The following DNAH7 variants were observed in gnomAD, a reference collection of about 807,000 sequenced individuals.
DNAH7 encodes the protein axonemal beta dynein heavy chain 7.
DNAH7 carries 397 observed loss-of-function variants against 444.6 expected under a neutral mutation model. That is an observed-to-expected ratio of 0.89 (90% confidence interval 0.82 to 0.97). The LOEUF is 0.97. DNAH7 is among the 50% of genes least tolerant of loss of function. DNAH7 has a pLI of 0.00. For synonymous variants in DNAH7, 1,636 were observed against 1,624.4 expected (o/e 1.01, Z -0.17); for missense variants, 4,902 against 4,800.8 (o/e 1.02, Z -0.62).
chr2:196,016,229 G>A (rs1695011112), intron 9 of DNAH7, among the ~76,000 whole-genome samples: 1 of 152,042 alleles, frequency 6.6e-6, no homozygotes, highest in African/African-American at 2.4e-5. Flanking sequence ...TGTTCTGAAA[G>A]TGGATATAAA....
At chr2:196,018,967 A>C (rs1519607) in intron 9 of DNAH7, among the ~76,000 whole-genome samples, 75,937 of 151,922 alleles carry the variant, frequency 0.5, 22,054 homozygotes, top group Non-Finnish European at 0.64. Context: ...TCAAAAAATT[A>C]AAAAATTTAA....
intron 15 of DNAH7, among the ~76,000 whole-genome samples, chr2:195,972,992 T>C (rs1198732007): frequency 2.0e-5 from 3 of 152,092 alleles, no homozygotes; most frequent in Admixed American, 1.3e-4. Context: ...ATCATAAGGA[T>C]GTGAAGTAGT....
At chr2:195,990,253 TGGTGAGAGACA>T (rs2125644612) in intron 12 of DNAH7, among the ~76,000 whole-genome samples, 1 of 152,158 alleles carries the variant, frequency 6.6e-6, no homozygotes, top group African/African-American at 2.4e-5. Context: ...GATTTTTATA[TGGTGAGAGACA>T]GGGGTCTAGT....
chr2:196,044,787 G>A (rs1696996368), intron 5 of DNAH7, among the ~76,000 whole-genome samples: 1 of 152,020 alleles, frequency 6.6e-6, no homozygotes, highest in African/African-American at 2.4e-5. Context: ...AGAACTACTG[G>A]TCAGACACAG....
intron 57 of DNAH7, among the ~76,000 whole-genome samples, chr2:195,790,618 T>C: frequency 6.6e-6 from 1 of 152,170 alleles, no homozygotes; most frequent in East Asian, 1.9e-4. Context: ...TAAATGGTAC[T>C]GGGATAGCTG....
At chr2:195,933,226 G>A (rs1043615583) in intron 21 of DNAH7, among the ~76,000 whole-genome samples, 1 of 152,116 alleles carries the variant, frequency 6.6e-6, no homozygotes, top group African/African-American at 2.4e-5. Context: ...AGTTAGAATG[G>A]CGATCATTAA....
chr2:196,024,730 A>T (rs1226577590), intron 7 of DNAH7, among the ~76,000 whole-genome samples: 1 of 152,126 alleles, frequency 6.6e-6, no homozygotes, highest in African/African-American at 2.4e-5. Context: ...TCTTAACACA[A>T]TGTGTCCCTC....
intron 61 of DNAH7, among the ~76,000 whole-genome samples, chr2:195,761,758 G>A (rs1010013647): frequency 7.9e-5 from 12 of 152,062 alleles, no homozygotes; most frequent in African/African-American, 2.4e-4. Context: ...ATATAAAGGA[G>A]AAATAAAGAG....
chr2:195,943,343 A>G (rs1689592580), intron 19 of DNAH7, among the ~76,000 whole-genome samples: 1 of 152,164 alleles, frequency 6.6e-6, no homozygotes, highest in African/African-American at 2.4e-5. Context: ...ATGTCAGTCA[A>G]CTGTCTTATT....
At chr2:195,944,905 A>C (rs1189318327) in intron 19 of DNAH7, among the ~76,000 whole-genome samples, 2 of 151,996 alleles carry the variant, frequency 1.3e-5, no homozygotes, top group African/African-American at 2.4e-5. Context: ...TCAAATTCTT[A>C]TCATATTGAC....
intron 1 of DNAH7, chr2:196,068,455 G>C: frequency 1.8e-6 from 1 of 561,846 alleles, no homozygotes; most frequent in Non-Finnish European, 3.1e-6. Flanking sequence ...CCCCCTGCTG[G>C]CGCGCCGCTA....
chr2:195,827,384 C>G (rs956960944), intron 48 of DNAH7, among the ~76,000 whole-genome samples: 12 of 151,998 alleles, frequency 7.9e-5, no homozygotes, highest in African/African-American at 2.9e-4. Context: ...CTCAGGCCAT[C>G]TTCCCACCTC....
intron 19 of DNAH7, among the ~76,000 whole-genome samples, chr2:195,948,299 T>G (rs1017734540): frequency 1.3e-4 from 20 of 152,182 alleles, no homozygotes; most frequent in Admixed American, 7.9e-4. Flanking sequence ...AGTTTAATTA[T>G]ATCCCATTTG....
At chr2:195,783,284 T>TA (rs1695475267) in intron 58 of DNAH7, among the ~76,000 whole-genome samples, 1 of 152,362 alleles carries the variant, frequency 6.6e-6, no homozygotes, top group South Asian at 2.1e-4. Context: ...GTTATCATGA[T>TA]AGTCTCCTGT....
At chr2:195,860,624 A>G (rs1699964388) in intron 42 of DNAH7, among the ~76,000 whole-genome samples, 2 of 152,162 alleles carry the variant, frequency 1.3e-5, no homozygotes, top group Non-Finnish European at 2.9e-5. Flanking sequence ...ATATCCAGGT[A>G]GCATGCTGCC....
chr2:195,787,093 C>CA lies in DNAH7; in HGVS notation c.10794_10795insT (p.Gly3599TrpfsTer7). The CA allele has an allele frequency of 6.2e-7, 1 of 1,612,554 alleles. No homozygotes were observed. The highest frequency in any genetic ancestry group is 8.5e-7 in the Non-Finnish European group (1 of 1,179,602). ...TTGAACTCATAAGGAATATTCCACC[C>CA]TAGGGGTCCAAATTTCCGTCTTTCT... On this transcript the variant is annotated frameshift_variant, in exon 58 of 65. Transcript: ENST00000312428. LOFTEE classifies it high-confidence loss of function.
intron 27 of DNAH7, chr2:195,904,809 C>A (rs529921): frequency 0.19 from 28,209 of 152,028 alleles, 3,265 homozygotes; most frequent in African/African-American, 0.33. Flanking sequence ...CCAGGTGAAA[C>A]AGAGGGAGTT....
intron 19 of DNAH7, among the ~76,000 whole-genome samples, chr2:195,939,595 T>C (rs1206774910): frequency 1.3e-5 from 2 of 152,144 alleles, no homozygotes; most frequent in African/African-American, 4.8e-5. Flanking sequence ...GACACTTTAA[T>C]TACTTTCTGT....
chr2:196,012,305 G>A (rs1694768944), intron 10 of DNAH7, among the ~76,000 whole-genome samples: 1 of 152,086 alleles, frequency 6.6e-6, no homozygotes, highest in African/African-American at 2.4e-5. Context: ...GCCAATCCAA[G>A]GAGATATTCA....
Sources: allele counts gnomAD v4.1 joint callset (sites outside exome capture counted in the v4.1 genomes callset), GRCh38; gene constraint gnomAD v4.1.1; transcripts MANE v1.5; gene names NCBI Gene and HGNC (gene_info 2026-07-23, HGNC 2026-07-21).